The following RGS22 variants were observed in gnomAD, a reference collection of about 807,000 sequenced individuals.
RGS22 encodes the protein regulator of G-protein signaling 22.
A neutral mutation model predicts 172.9 loss-of-function variants in RGS22; 148 were observed. That is an observed-to-expected ratio of 0.86 (90% CI 0.75 to 0.98). RGS22 has a LOEUF of 0.98. Ranked by LOEUF, RGS22 falls within the 50% of genes least tolerant of loss-of-function variation. RGS22 has a pLI of 0.00. For missense variants in RGS22, 1,347 were observed against 1,440.8 expected, an observed-to-expected ratio of 0.93 and a Z score of 1.05; for synonymous variants, 458 against 480.2, an observed-to-expected ratio of 0.95 and a Z score of 0.60.
intron 21 of RGS22, among the ~76,000 whole-genome samples, chr8:99,985,451 A>G (rs1812987732): frequency 1.3e-5 from 2 of 152,074 alleles, no homozygotes; most frequent in Non-Finnish European, 2.9e-5. Flanking sequence ...TCCCTGACCT[A>G]TTGTCCCCAT....
chr8:100,008,308 G>A, intron 15 of RGS22, 67 bp downstream of exon 15: 2 of 1,458,740 alleles, frequency 1.4e-6, no homozygotes, highest in Non-Finnish European at 9.4e-7. Context: ...AAAGTGCTGG[G>A]ATAACAGGCG....
chr8:100,047,998 G>A (rs1820910380), intron 10 of RGS22, among the ~76,000 whole-genome samples: 1 of 151,860 alleles, frequency 6.6e-6, no homozygotes, highest in Non-Finnish European at 1.5e-5. Flanking sequence ...CACAGGGCAG[G>A]GAAATGAAAC....
chr8:99,971,680 G>T (rs1811371035), intron 23 of RGS22, among the ~76,000 whole-genome samples: 1 of 152,132 alleles, frequency 6.6e-6, no homozygotes, highest in Non-Finnish European at 1.5e-5. Context: ...GGACCTGAAG[G>T]ACATCTTCAA....
intron 22 of RGS22, among the ~76,000 whole-genome samples, chr8:99,981,665 A>C (rs1237654981): frequency 6.6e-6 from 1 of 151,932 alleles, no homozygotes; most frequent in Non-Finnish European, 1.5e-5. Flanking sequence ...TCAAATATGA[A>C]TAACGTACAA....
chr8:100,044,101 A>C (rs1297530069), intron 11 of RGS22, among the ~76,000 whole-genome samples: 3 of 152,220 alleles, frequency 2.0e-5, no homozygotes, highest in African/African-American at 7.2e-5. Flanking sequence ...CCCCACACAA[A>C]TAAAAGGCCT....
chr8:100,071,531 G>A lies in RGS22; in HGVS notation c.432C>T (p.Ala144=), dbSNP rs994996412. Residue 144 remains alanine, a synonymous_variant, in exon 6 of 28, where the codon GCC becomes GCT. Transcript: ENST00000360863. ...ESDCYFEYRL[A]KLVSQVRWSK... Reference sequence around the variant, plus strand: ...TCCATCTTACTTGTGAGACCAATTTGGCTAACCTGCATTTTAGAAATCATA... The same window carrying A: ...TCCATCTTACTTGTGAGACCAATTTAGCTAACCTGCATTTTAGAAATCATA... The A allele has an allele frequency of 6.3e-7, 1 of 1,590,370 alleles. No homozygotes were observed. The highest frequency in any genetic ancestry group is 1.4e-5 in the African/African-American group (1 of 73,490).
intron 2 of RGS22, among the ~76,000 whole-genome samples, chr8:100,100,145 T>C (rs1813349215): frequency 6.6e-6 from 1 of 152,172 alleles, no homozygotes; most frequent in South Asian, 2.1e-4. Flanking sequence ...GTCCCTCATA[T>C]AAAATGGCAT....
intron 7 of RGS22, 128 bp downstream of exon 7, chr8:100,066,039 C>T (rs1050651698): frequency 3.0e-5 from 21 of 711,330 alleles, no homozygotes; most frequent in Non-Finnish European, 4.1e-5. Context: ...CATAGGAAGT[C>T]GAGTGAGGCA....
intron 9 of RGS22, among the ~76,000 whole-genome samples, chr8:100,056,926 C>T (rs1297368158): frequency 6.6e-6 from 1 of 152,216 alleles, no homozygotes; most frequent in Non-Finnish European, 1.5e-5. Context: ...ATGGTAGATC[C>T]ACCAACAGTT....
intron 2 of RGS22, among the ~76,000 whole-genome samples, chr8:100,100,410 C>T (rs764544591): frequency 6.6e-6 from 1 of 151,998 alleles, no homozygotes; most frequent in Non-Finnish European, 1.5e-5. Context: ...CTGCTTCAGC[C>T]TCCCAAGTAG....
chr8:100,101,831 A>G (rs1813517150), intron 2 of RGS22, among the ~76,000 whole-genome samples: 1 of 152,094 alleles, frequency 6.6e-6, no homozygotes, highest in South Asian at 2.1e-4. Context: ...AGAAAATACA[A>G]TATGAAAAAA....
At chr8:100,029,185 T>C (rs2131521395) in intron 14 of RGS22, among the ~76,000 whole-genome samples, 1 of 152,310 alleles carries the variant, frequency 6.6e-6, no homozygotes, top group African/African-American at 2.4e-5. Flanking sequence ...ACACTGAAGC[T>C]GATCCTTCCC....
At chr8:100,104,917 C>T (rs569295022) in intron 2 of RGS22, among the ~76,000 whole-genome samples, 2 of 152,264 alleles carry the variant, frequency 1.3e-5, no homozygotes, top group East Asian at 3.9e-4. Context: ...ATATATTTAG[C>T]AAATACTTTT....
chr8:100,044,117 C>T (rs1044071604), intron 11 of RGS22, among the ~76,000 whole-genome samples: 3 of 152,140 alleles, frequency 2.0e-5, no homozygotes, highest in Non-Finnish European at 4.4e-5. Flanking sequence ...GGCCTGGGCC[C>T]AAAAGGATTC....
chr8:100,026,960 T>C (rs1288386893), intron 14 of RGS22, among the ~76,000 whole-genome samples: 2 of 152,194 alleles, frequency 1.3e-5, no homozygotes, highest in Non-Finnish European at 2.9e-5. Flanking sequence ...TCGGGCATGG[T>C]GGCTCATGCC....
intron 3 of RGS22, chr8:100,092,137 G>C (rs1812631848): frequency 1.3e-5 from 2 of 152,038 alleles, no homozygotes; most frequent in Admixed American, 1.3e-4. Flanking sequence ...AGGTATTCCA[G>C]TGTTTAGGCT....
At chr8:100,082,510 C>G (rs1811839998) in intron 3 of RGS22, among the ~76,000 whole-genome samples, 1 of 152,128 alleles carries the variant, frequency 6.6e-6, no homozygotes, top group African/African-American at 2.4e-5. Flanking sequence ...CATTAATTCC[C>G]TTGGGTTAAA....
Position 99,989,907 on chromosome 8 carries a change from T to G in RGS22, c.3019-2288A>C, listed in dbSNP as rs200929304. On this transcript the variant is annotated intron_variant, in intron 20 of 27. Coordinates refer to ENST00000360863, the MANE Select transcript of RGS22 (RefSeq NM_015668.5). ...AGATAGATAGATAGATAGATAGATA[T>G]AGATAGATAGATAGACAGATAGACA... Among the ~76,000 whole-genome samples, 510 of 119,150 alleles carry G rather than the reference T, an allele frequency of 4.3e-3. 1 individual carries two copies. The highest frequency in any genetic ancestry group is 0.013 in the South Asian group (49 of 3,654). The allele number at this position is 119,150 out of a possible 152,430, so 78.2% of individuals were successfully genotyped here.
At chr8:99,988,897 C>T (rs1334053417) in intron 20 of RGS22, among the ~76,000 whole-genome samples, 2 of 152,090 alleles carry the variant, frequency 1.3e-5, no homozygotes, top group Non-Finnish European at 2.9e-5. Flanking sequence ...AAAATTATAG[C>T]CCTACAAATA....
Sources: allele counts gnomAD v4.1 joint callset (sites outside exome capture counted in the v4.1 genomes callset), GRCh38; gene constraint gnomAD v4.1.1; transcripts MANE v1.5; gene names NCBI Gene and HGNC (gene_info 2026-07-23, HGNC 2026-07-21).